The following MMS19 variants were observed in gnomAD, a reference collection of about 807,000 sequenced individuals.
MMS19 encodes the protein MMS19 nucleotide excision repair protein homolog.
A neutral mutation model predicts 129.8 loss-of-function variants in MMS19; 77 were observed. The observed-to-expected ratio is 0.59, with a 90% CI of 0.49 to 0.72. The LOEUF (loss-of-function observed/expected upper bound fraction) is 0.72, where lower values mean the gene tolerates loss of function less well. Ranked by LOEUF, MMS19 falls within the 30% of genes least tolerant of loss-of-function variation. The pLI, the probability that MMS19 is intolerant of heterozygous loss-of-function variation, is 0.00. For synonymous variants in MMS19, 491 were observed against 502.8 expected, an observed-to-expected ratio of 0.98 and a Z score of 0.31; for missense variants, 1,168 against 1,266.3, an observed-to-expected ratio of 0.92 and a Z score of 1.18.
chr10:97,498,258 C>T lies in MMS19; in HGVS notation c.112+15G>A, dbSNP rs148701971. Reference sequence around the variant, plus strand: ...TGGCCCCCATGCGGAAGGCGCGCGGCGCCGTCTGCCGTACCTGCAGCCACC... The same window carrying T: ...TGGCCCCCATGCGGAAGGCGCGCGGTGCCGTCTGCCGTACCTGCAGCCACC... On this transcript the variant is annotated intron_variant, in intron 1 of 30. Transcript: ENST00000438925. 861 of 1,539,396 alleles carry T rather than the reference C, an allele frequency of 5.6e-4. 1 individual carries two copies. In the African/African-American group the frequency reaches 0.01, roughly 19 times the overall value.
intron 19 of MMS19, among the ~76,000 whole-genome samples, chr10:97,463,163 G>GTTTTTTTTTT (rs11369236): frequency 7.7e-6 from 1 of 129,242 alleles, no homozygotes; most frequent in Non-Finnish European, 1.6e-5. Context: ...CTGTGAAACA[G>GTTTTTTTTTT]TTTTTTTTTT....
At chr10:97,498,589 G>T (rs1320824793), upstream of MMS19, 3 of 605,040 alleles carry the variant, frequency 5.0e-6, no homozygotes, top group South Asian at 2.2e-5. Context: ...GCGGCTGCTG[G>T]GCACGCAGCC....
At chr10:97,478,037 G>T in intron 4 of MMS19, 108 bp from the exon 5 acceptor site, 2 of 729,350 alleles carry the variant, frequency 2.7e-6, no homozygotes, top group South Asian at 1.9e-5. Context: ...ACAGCATCCT[G>T]GTTGAGGAAG....
At position 97,466,841 on chromosome 10, in the gene MMS19, G is replaced by A. The variant is rs1201724023; in HGVS notation, c.1358C>T (p.Thr453Ile). 2 of 1,614,034 alleles carry A rather than the reference G, an allele frequency of 1.2e-6. No individual in the cohort carries two copies. The highest frequency in any genetic ancestry group is 1.7e-4 in the Middle Eastern group (1 of 6,060). The change falls in exon 15 of 31, where the codon ACA becomes ATA. Residue 453 changes from threonine to isoleucine, a missense_variant. Thr to Ile is a moderately conservative substitution (Grantham distance 89, BLOSUM62 -1). Coordinates refer to ENST00000438925, the MANE Select transcript of MMS19 (RefSeq NM_022362.5). The part of the protein sequence containing the change: ...QLCSLVFMAL[T>I]DPSTQLQLVG... ...AAGCTGAAGCTGGGTGCTGGGGTCTGTTAGAGCCATGAATACCAGTGAGCA... is the reference window on the plus strand; with the variant it reads ...AAGCTGAAGCTGGGTGCTGGGGTCTATTAGAGCCATGAATACCAGTGAGCA...
intron 23 of MMS19, chr10:97,461,291 C>T (rs1463583636): frequency 1.6e-6 from 1 of 640,024 alleles, no homozygotes; most frequent in African/African-American, 1.8e-5. Context: ...TCTTTGTGCT[C>T]CCTTCTCTTC....
intron 18 of MMS19, among the ~76,000 whole-genome samples, chr10:97,464,330 G>A (rs2032860364): frequency 6.6e-6 from 1 of 152,190 alleles, no homozygotes; most frequent in African/African-American, 2.4e-5. Context: ...TACATGATCA[G>A]TGGCTTTTCC....
chr10:97,497,228 T>C (rs1328714095), intron 1 of MMS19, among the ~76,000 whole-genome samples: 1 of 152,240 alleles, frequency 6.6e-6, no homozygotes, highest in East Asian at 1.9e-4. Context: ...TTTATATTCC[T>C]ATTGCTTTGC....
intron 15 of MMS19, 41 bp from the exon 16 acceptor site, chr10:97,466,626 T>C (rs1460781476): frequency 6.3e-7 from 1 of 1,584,096 alleles, no homozygotes; most frequent in African/African-American, 1.3e-5. Flanking sequence ...TTTCTTCCCC[T>C]GCAGCCATCA....
intron 19 of MMS19, chr10:97,462,983 G>T (rs2032430404): frequency 6.2e-6 from 2 of 321,506 alleles, no homozygotes; most frequent in Admixed American, 4.6e-5. Flanking sequence ...TGTTGTCCCT[G>T]GTGTCCCTGG....
Position 97,477,355 on chromosome 10 carries a change from C to T in MMS19, c.485G>A (p.Arg162Gln), listed in dbSNP as rs200904065. The T allele has an allele frequency of 3.1e-5, 50 of 1,613,908 alleles. No individual in the cohort carries two copies. Among genetic ancestry groups the T allele is most frequent in the South Asian group, 1.1e-4 (10 of 91,068 alleles). ...YNIITNFMRT[R>Q]EEELKSLGAD... Reference sequence around the variant, plus strand: ...AAAGCTCTGTCTCTTACCTTCTTCCCGGGTTCGCATAAAATTGGTGATGAT... The same window carrying T: ...AAAGCTCTGTCTCTTACCTTCTTCCTGGGTTCGCATAAAATTGGTGATGAT... The change falls in exon 6 of 31, where the codon CGG (arginine) becomes CAG (glutamine). Residue 162 changes from arginine (R) to glutamine (Q), a missense_variant. Transcript: ENST00000438925.
chr10:97,498,411 G>A lies in MMS19; in HGVS notation c.-27C>T, dbSNP rs772217403. 5.7e-6 allele frequency: 9 copies of A among 1,574,274 alleles called. No homozygotes were observed. Among genetic ancestry groups the A allele is most frequent in the Non-Finnish European group, 6.0e-6 (7 of 1,168,656 alleles). On this transcript the variant is annotated 5_prime_UTR_variant, in exon 1 of 31. Transcript: ENST00000438925. ...ACGCGAACTAGAGACCGTGGGAGGG[G>A]ATATGGGCGGTGGCTCGAGACGGGC...
At chr10:97,496,712 G>A (rs368054360) in intron 1 of MMS19, among the ~76,000 whole-genome samples, 9 of 152,142 alleles carry the variant, frequency 5.9e-5, no homozygotes, top group African/African-American at 2.2e-4. Context: ...CTTCGTAGGG[G>A]GTTGGATTGT....
intron 26 of MMS19, 126 bp from the exon 27 acceptor site, chr10:97,459,867 G>A: frequency 3.0e-6 from 3 of 986,554 alleles, no homozygotes; most frequent in Non-Finnish European, 4.6e-6. Context: ...TTCACGCTCA[G>A]AATAAGCAAG....
chr10:97,487,771 G>A (rs1014351894), intron 1 of MMS19, among the ~76,000 whole-genome samples: 11 of 152,118 alleles, frequency 7.2e-5, no homozygotes, highest in African/African-American at 2.4e-4. Flanking sequence ...CCAGTTTCCC[G>A]ATATATAAAG....
chr10:97,498,681 A>G, upstream of MMS19: 1 of 435,368 alleles, frequency 2.3e-6, no homozygotes, highest in South Asian at 2.7e-5. Context: ...GGGTGGGGAG[A>G]GGGGCGGTAC....
intron 1 of MMS19, among the ~76,000 whole-genome samples, chr10:97,493,546 C>T (rs1320122755): frequency 2.0e-5 from 3 of 151,984 alleles, no homozygotes; most frequent in African/African-American, 4.8e-5. Flanking sequence ...CAGAGTGGAC[C>T]CTGCTTCTAA....
chr10:97,492,589 C>T (rs937732368), intron 1 of MMS19, among the ~76,000 whole-genome samples: 3 of 151,714 alleles, frequency 2.0e-5, no homozygotes, highest in Non-Finnish European at 4.4e-5. Flanking sequence ...TGGCTCACAC[C>T]TGTAATCCTT....
Position 97,467,540 on chromosome 10 carries a change from A to T in MMS19, c.1262T>A (p.Leu421Ter). 6.2e-7 allele frequency: 1 copy of T among 1,614,002 alleles called. No individual in the cohort carries two copies. The change falls in exon 14 of 31, where the codon TTG becomes TAG. Residue 421 changes from leucine to a stop codon, truncating the protein, a stop_gained. Transcript: ENST00000438925. LOFTEE classifies it high-confidence loss of function. Reference protein sequence around the residue: ...RTILEMLLGFLKLQQKWSYED... With the variant: ...RTILEMLLGF Reference sequence around the variant, plus strand: ...ATAGCTCCATTTCTGCTGCAGCTTCAAGAAACCCAGGAGCATTTCAAGGAT... The same window carrying T: ...ATAGCTCCATTTCTGCTGCAGCTTCTAGAAACCCAGGAGCATTTCAAGGAT...
At chr10:97,477,462 C>T (rs1564666430) in intron 5 of MMS19, 46 bp from the exon 6 acceptor site, 1 of 1,613,344 alleles carries the variant, frequency 6.2e-7, no homozygotes, top group Non-Finnish European at 8.5e-7. Flanking sequence ...TCAAAGAATA[C>T]CTCAGCTGAC....
Sources: gnomAD v4.1 joint callset for allele counts (sites outside exome capture counted in the v4.1 genomes callset) on GRCh38, gnomAD v4.1.1 for gene constraint, MANE v1.5 for transcripts, NCBI Gene and HGNC (gene_info 2026-07-23, HGNC 2026-07-21) for gene names.